PRKCH: variants seen among roughly 807,000 people sequenced by gnomAD.
PRKCH encodes protein kinase C eta.
A neutral mutation model predicts 82.5 loss-of-function variants in PRKCH; 28 were observed. That is an observed-to-expected ratio of 0.34 (90% CI 0.25 to 0.47). The LOEUF is 0.47. Ranked by LOEUF, PRKCH falls within the 20% of genes least tolerant of loss-of-function variation. PRKCH has a pLI of 1.00. For synonymous variants in PRKCH, 322 were observed against 327.4 expected (o/e 0.98, Z 0.18); for missense variants, 705 against 881.8 (o/e 0.80, Z 2.54).
chr14:61,433,845 T>G (rs1314925125), intron 2 of PRKCH, among the ~76,000 whole-genome samples: 5 of 152,248 alleles, frequency 3.3e-5, no homozygotes, highest in Admixed American at 1.3e-4. Context: ...AGTATATATT[T>G]GGCATGTACA....
intron 10 of PRKCH, among the ~76,000 whole-genome samples, chr14:61,504,278 T>C (rs12589264): frequency 0.12 from 18,587 of 152,000 alleles, 1,307 homozygotes; most frequent in Admixed American, 0.18. Context: ...AACCTCCACC[T>C]CCTGGGTTCA....
intron 1 of PRKCH, chr14:61,303,758 AT>A (rs770565173): frequency 4.1e-5 from 6 of 147,218 alleles, no homozygotes; most frequent in Non-Finnish European, 7.5e-5. Flanking sequence ...TTTGTTTCTC[AT>A]TTCCTCCTTC....
In PRKCH at chr14:61,280,876, G is replaced by C. The variant is rs137950125; in HGVS notation, c.-19+93208G>C. The C allele has an allele frequency of 3.7e-4, 574 of 1,563,116 alleles. 1 individual carries two copies. The highest frequency in any genetic ancestry group is 4.7e-4 in the Non-Finnish European group (541 of 1,162,182). On this transcript the variant is annotated intron_variant, in intron 1 of 3. Coordinates refer to the PRKCH transcript ENST00000555185. This position sits in a 1 kb window ranked among gnomAD's most constrained non-coding sequence, Gnocchi z 5.0. ...CGAGAAGTACCAGGCGCACGAGCAG[G>C]GGGGCGGCAGCGCCCGGCCCTGGCC...
chr14:61,270,798 C>A (rs939627191), intron 1 of PRKCH, among the ~76,000 whole-genome samples: 2 of 152,128 alleles, frequency 1.3e-5, no homozygotes, highest in East Asian at 3.9e-4. Context: ...CATAGCAAGA[C>A]CCTGTCTCTA....
At chr14:61,288,393 C>T (rs2045333800) in intron 1 of PRKCH, among the ~76,000 whole-genome samples, 1 of 152,148 alleles carries the variant, frequency 6.6e-6, no homozygotes, top group South Asian at 2.1e-4. Flanking sequence ...TGGTGACAAG[C>T]CTCAATAAAC....
intron 1 of PRKCH, among the ~76,000 whole-genome samples, chr14:61,248,834 A>C (rs893609587): frequency 3.3e-5 from 5 of 151,954 alleles, no homozygotes; most frequent in Non-Finnish European, 7.4e-5. Context: ...ACAGCATCCC[A>C]CACTGTTGCC....
intron 1 of PRKCH, among the ~76,000 whole-genome samples, chr14:61,328,137 C>G (rs1043520957): frequency 2.6e-5 from 4 of 151,388 alleles, no homozygotes; most frequent in Non-Finnish European, 5.9e-5. Context: ...GTAGTCCCAG[C>G]TACTCGGGAG....
chr14:61,503,293 GTT>G lies in PRKCH; in HGVS notation c.1433+17652_1433+17653del, dbSNP rs779965799. On this transcript the variant is annotated intron_variant, in intron 10 of 13. Transcript: ENST00000332981. ...TGACTGATTTGTATGTGTGTTAGTG[GTT>G]TTTTTTTTTTTTTTCCTGTAAGAAT... Among the ~76,000 whole-genome samples the G allele has an allele frequency of 2.2e-3, 308 of 138,144 alleles. 1 individual carries two copies. Among genetic ancestry groups the G allele is most frequent in the African/African-American group, 7.4e-3 (280 of 37,788 alleles). The allele number at this position is 138,144 out of a possible 152,430, so 90.6% of individuals were successfully genotyped here. A position where few individuals can be genotyped will look rare whatever the true frequency, so the allele number is the denominator to read the frequency against.
intron 2 of PRKCH, among the ~76,000 whole-genome samples, chr14:61,396,437 G>C (rs1276721257): frequency 6.6e-6 from 1 of 152,176 alleles, no homozygotes; most frequent in African/African-American, 2.4e-5. Context: ...GTGCAGACCT[G>C]TAATCACATC....
At chr14:61,372,933 C>T (rs531217725) in intron 1 of PRKCH, among the ~76,000 whole-genome samples, 14 of 152,082 alleles carry the variant, frequency 9.2e-5, no homozygotes, top group Non-Finnish European at 1.3e-4. Flanking sequence ...GGCCTCAACT[C>T]ATCATTTGGC....
chr14:61,412,833 G>A (rs1421443766), intron 2 of PRKCH, among the ~76,000 whole-genome samples: 4 of 151,886 alleles, frequency 2.6e-5, no homozygotes, highest in Admixed American at 1.3e-4. Flanking sequence ...CCATCTTTAT[G>A]TGCCTGCTGT....
intron 5 of PRKCH, among the ~76,000 whole-genome samples, chr14:61,449,878 CTCTCTCTCTCTCTCTCTCTCTCTG>C (rs755389030): frequency 0.017 from 1,254 of 75,420 alleles, 4 homozygotes; most frequent in Middle Eastern, 0.14. Flanking sequence ...CTCTCTCTCT[CTCTCTCTCTCTCTCTCTCTCTCTG>C]TGTGTGTGTG....
At chr14:61,429,540 T>C (rs1223442523) in intron 2 of PRKCH, among the ~76,000 whole-genome samples, 2 of 152,222 alleles carry the variant, frequency 1.3e-5, no homozygotes, top group African/African-American at 4.8e-5. Flanking sequence ...TCACACCCAT[T>C]GTTTTCAGGG....
chr14:61,485,651 C>T lies in PRKCH; in HGVS notation c.1428C>T (p.Ile476=). 1 of 1,612,912 alleles carries T rather than the reference C, an allele frequency of 6.2e-7. No individual in the cohort carries two copies. The highest frequency in any genetic ancestry group is 8.5e-7 in the Non-Finnish European group (1 of 1,179,102). The part of the protein sequence containing the change: ...ALMFLHDKGI[I]YRDLKLDNVL... ...TGTTCCTCCATGATAAAGGAATCAT[C>T]TATAGGTGAGTTTTGGTTGCTGCCC... Residue 476 remains isoleucine (I), a synonymous_variant, in exon 10 of 14, where the codon ATC becomes ATT. Coordinates refer to ENST00000332981, the MANE Select transcript of PRKCH (RefSeq NM_006255.5).
intron 1 of PRKCH, among the ~76,000 whole-genome samples, chr14:61,357,402 T>C (rs1268844061): frequency 2.0e-5 from 3 of 152,234 alleles, no homozygotes; most frequent in African/African-American, 4.8e-5. Flanking sequence ...GTAGTCACAG[T>C]TATCTTCATC....
intron 1 of PRKCH, among the ~76,000 whole-genome samples, chr14:61,254,001 C>CCCTCCCTCCCTT: frequency 7.4e-6 from 1 of 135,324 alleles, no homozygotes; most frequent in African/African-American, 2.8e-5. Flanking sequence ...CTCCCTCCCT[C>CCCTCCCTCCCTT]CCTCCCTCCC....
intron 12 of PRKCH, among the ~76,000 whole-genome samples, chr14:61,545,970 A>G (rs887522316): frequency 6.6e-6 from 1 of 152,212 alleles, no homozygotes; most frequent in East Asian, 1.9e-4. Context: ...CATCATTGGC[A>G]GGCCTGGGAA....
chr14:61,405,231 T>C (rs1259024980), intron 2 of PRKCH, among the ~76,000 whole-genome samples: 1 of 152,186 alleles, frequency 6.6e-6, no homozygotes, highest in Non-Finnish European at 1.5e-5. Flanking sequence ...ATTGACTGTC[T>C]GGAAATCTAT....
intron 1 of PRKCH, among the ~76,000 whole-genome samples, chr14:61,366,912 G>A (rs1039737869): frequency 6.6e-6 from 1 of 152,006 alleles, no homozygotes; most frequent in African/African-American, 2.4e-5. Context: ...TCTGTCTAGG[G>A]ATGTGGCTCC....
Sources: gnomAD v4.1 joint callset for allele counts (sites outside exome capture counted in the v4.1 genomes callset) on GRCh38, gnomAD v4.1.1 for gene constraint, Gnocchi (gnomAD v3.1) non-coding constraint, MANE v1.5 for transcripts, NCBI Gene and HGNC (gene_info 2026-07-23, HGNC 2026-07-21) for gene names.